DMD: variants seen among roughly 807,000 people sequenced by gnomAD.
The protein encoded by DMD is dystrophin, also known as mutant dystrophin.
In DMD, 63 loss-of-function variants were observed where a neutral mutation model predicts 330.1. The observed-to-expected ratio is 0.19, with a 90% CI of 0.16 to 0.24. The LOEUF (loss-of-function observed/expected upper bound fraction) is 0.24, where lower values mean the gene tolerates loss of function less well. Among genes scored for constraint, DMD ranks in the 10% least tolerant of loss-of-function variants. The pLI is 1.00. For synonymous variants in DMD, 1,223 were observed against 959.8 expected, an observed-to-expected ratio of 1.27 and a Z score of -5.07; for missense variants, 3,344 against 2,684.1, an observed-to-expected ratio of 1.25 and a Z score of -5.43.
chrX:31,155,241 T>C (rs1047691309), intron 74 of DMD, among the ~76,000 whole-genome samples: 4 of 112,594 alleles, frequency 3.6e-5, no homozygotes, highest in African/African-American at 1.3e-4. Context: ...TTTAAACTAA[T>C]TTACAAAGGT....
At chrX:31,249,031 C>T (rs766959702) in intron 63 of DMD, among the ~76,000 whole-genome samples, 3 of 111,938 alleles carry the variant, frequency 2.7e-5, no homozygotes, top group South Asian at 7.6e-4. Context: ...ACCAATTTCC[C>T]GCATTAAATT....
chrX:32,151,908 G>A (rs1416140157), intron 44 of DMD, among the ~76,000 whole-genome samples: 1 of 111,733 alleles, frequency 8.9e-6, no homozygotes, highest in Non-Finnish European at 1.9e-5. Context: ...AAAGATGGCT[G>A]TTAATTCTAT....
At chrX:32,715,237 G>C (rs1196211382) in intron 7 of DMD, among the ~76,000 whole-genome samples, 1 of 110,545 alleles carries the variant, frequency 9.0e-6, no homozygotes, top group Non-Finnish European at 1.9e-5. Context: ...CCAGCACTTT[G>C]GGAGGCCAAG....
intron 1 of DMD, among the ~76,000 whole-genome samples, chrX:33,307,565 C>T (rs1008299131): frequency 6.3e-5 from 7 of 111,717 alleles, no homozygotes; most frequent in East Asian, 2.8e-4. Context: ...TCGTGGCATA[C>T]GCCTGTAGTC....
At chrX:32,823,232 G>A (rs1283166349) in intron 5 of DMD, 63 bp downstream of exon 5, 9 of 926,091 alleles carry the variant, frequency 9.7e-6, no homozygotes, top group South Asian at 2.0e-5. Context: ...CACACGTCAA[G>A]GGTAAAAATT....
rs1233665298 is a variant in DMD at position 32,370,706 on chromosome X, AT to A, written c.4846-5508del. Among the ~76,000 whole-genome samples the A allele has an allele frequency of 8.1e-5, 9 of 110,823 alleles. No homozygotes were observed. In the East Asian group the frequency reaches 2.0e-3, roughly 25 times the overall value. ...TCACTTTAAAAAAAAAAGATACGTAATTTTTCAGGGGAATGAGAGTATAACA... is the reference window on the plus strand; with the variant it reads ...TCACTTTAAAAAAAAAAGATACGTAATTTTCAGGGGAATGAGAGTATAACA... On this transcript the variant is annotated intron_variant, in intron 34 of 78. Coordinates refer to ENST00000357033, the MANE Select transcript of DMD (RefSeq NM_004006.3).
At chrX:31,171,280 T>C (rs1013592780) in intron 73 of DMD, among the ~76,000 whole-genome samples, 3 of 112,071 alleles carry the variant, frequency 2.7e-5, no homozygotes, top group Admixed American at 9.4e-5. Flanking sequence ...TGATCGTTTA[T>C]GTACCAGATG....
chrX:32,697,993 C>A lies in DMD; in HGVS notation c.837G>T (p.Thr279=), dbSNP rs1800265. Residue 279 remains threonine, a synonymous_variant, in exon 9 of 79, where the codon ACG becomes ACT. Transcript: ENST00000357033. ...TCTCATATCCCTGTGCTAGACTGACCGTGATCTGCAGAGAAGGGTTTGGGG... is the reference window on the plus strand; with the variant it reads ...TCTCATATCCCTGTGCTAGACTGACAGTGATCTGCAGAGAAGGGTTTGGGG... ...HHQMHYSQQI[T]VSLAQGYERT... 9 of 1,189,035 alleles carry A rather than the reference C, an allele frequency of 7.6e-6. No homozygotes were observed. In the South Asian group the frequency reaches 1.3e-4, roughly 17 times the overall value.
rs2149076161 is a variant in DMD at position 31,444,633 on chromosome X, T to C, written c.8938-6A>G. ...GCAATTTCTCCTCGAAGTGCCTGTG[T>C]GCAATAGTCAAAAGCAAATTGGAAG... is the stretch of plus-strand genomic sequence containing the variant. On this transcript the variant is annotated splice_polypyrimidine_tract_variant and splice_region_variant and intron_variant, in intron 59 of 78. Coordinates refer to ENST00000357033, the MANE Select transcript of DMD (RefSeq NM_004006.3). The C allele has an allele frequency of 8.3e-7, 1 of 1,210,956 alleles. No homozygotes were observed. The highest frequency in any genetic ancestry group is 1.7e-5 in the African/African-American group (1 of 57,683).
At chrX:31,122,185 G>GA (rs2032726899) in intron 78 of DMD, among the ~76,000 whole-genome samples, 1 of 111,745 alleles carries the variant, frequency 8.9e-6, no homozygotes, top group Middle Eastern at 4.6e-3. Flanking sequence ...TGTTTACATG[G>GA]AAAAATGTCA....
At chrX:32,749,892 G>A (rs981727443) in intron 7 of DMD, among the ~76,000 whole-genome samples, 1 of 112,554 alleles carries the variant, frequency 8.9e-6, no homozygotes, top group Non-Finnish European at 1.9e-5. Flanking sequence ...TTTGATGTTA[G>A]GTATTAGGAA....
chrX:32,972,502 A>G (rs2092418081), intron 2 of DMD, among the ~76,000 whole-genome samples: 1 of 112,096 alleles, frequency 8.9e-6, no homozygotes, highest in African/African-American at 3.2e-5. Flanking sequence ...TATTGATGTC[A>G]CTAAAAACTG....
intron 18 of DMD, among the ~76,000 whole-genome samples, chrX:32,509,065 C>A (rs1200486248): frequency 9.1e-6 from 1 of 109,860 alleles, no homozygotes; most frequent in Admixed American, 9.7e-5. Flanking sequence ...CCGCCTCGAC[C>A]TCCCAAAGTG....
chrX:31,574,772 A>G (rs957452726), intron 55 of DMD, among the ~76,000 whole-genome samples: 1 of 111,141 alleles, frequency 9.0e-6, no homozygotes, highest in African/African-American at 3.3e-5. Flanking sequence ...CAAATTCCAC[A>G]TCGTATTTGG....
At chrX:31,940,071 C>T (rs1413806851) in intron 45 of DMD, among the ~76,000 whole-genome samples, 2 of 111,322 alleles carry the variant, frequency 1.8e-5, no homozygotes, top group Non-Finnish European at 3.8e-5. Context: ...ACCTTACATC[C>T]GATTGGGAGG....
At chrX:32,223,448 A>T (rs763251805) in intron 43 of DMD, among the ~76,000 whole-genome samples, 1 of 112,004 alleles carries the variant, frequency 8.9e-6, no homozygotes, top group African/African-American at 3.2e-5. Context: ...AGCAAATTTT[A>T]CTATTAATAA....
intron 50 of DMD, among the ~76,000 whole-genome samples, chrX:31,787,563 T>C (rs989736986): frequency 9.0e-6 from 1 of 111,488 alleles, no homozygotes; most frequent in East Asian, 2.8e-4. Context: ...GTTTCTTATG[T>C]GAAATATGCA....
intron 2 of DMD, among the ~76,000 whole-genome samples, chrX:32,867,579 T>C (rs1341281563): frequency 8.9e-6 from 1 of 112,255 alleles, no homozygotes; most frequent in Non-Finnish European, 1.9e-5. Context: ...AAAAGGTACC[T>C]AATTCAGTGA....
intron 9 of DMD, among the ~76,000 whole-genome samples, chrX:32,667,767 G>GTTTTTT (rs201162726): frequency 0.014 from 1,126 of 81,535 alleles, 36 homozygotes; most frequent in African/African-American, 0.054. Context: ...CTGCTTTTGT[G>GTTTTTT]TTTTTTTTTT....
Sources: gnomAD v4.1 joint callset for allele counts (sites outside exome capture counted in the v4.1 genomes callset) on GRCh38, gnomAD v4.1.1 for gene constraint, MANE v1.5 for transcripts, NCBI Gene and HGNC (gene_info 2026-07-23, HGNC 2026-07-21) for gene names.